The following DNAJC18 variants were observed in gnomAD, a reference collection of about 807,000 sequenced individuals.
DNAJC18 encodes DnaJ heat shock protein family (Hsp40) member C18.
Under a neutral mutation model 48.6 loss-of-function variants are expected in DNAJC18, and 40 were observed. The observed-to-expected ratio is 0.82, with a 90% confidence interval of 0.64 to 1.07. The LOEUF is 1.07. DNAJC18 is among the 50% of genes least tolerant of loss of function. The pLI, the probability that DNAJC18 is intolerant of heterozygous loss-of-function variation, is 0.00. For synonymous variants in DNAJC18, 135 were observed against 152.2 expected (o/e 0.89, Z 0.83); for missense variants, 340 against 427.7 (o/e 0.79, Z 1.81).
At position 139,439,115 on chromosome 5, in the gene DNAJC18, T is replaced by C. The variant is rs2152085912; in HGVS notation, c.40+291A>G. Among the ~76,000 whole-genome samples the C allele has an allele frequency of 6.8e-6, 1 of 148,054 alleles. No individual in the cohort carries two copies. ...AGAGACCGCAGCACCCCACGGGCCC[T>C]CCAGTCACCTTGGCATGGGCGGGGC... On this transcript the variant is annotated intron_variant, in intron 1 of 7. Coordinates refer to ENST00000302060, the MANE Select transcript of DNAJC18 (RefSeq NM_152686.4). This position sits in a 1 kb window ranked among gnomAD's most constrained non-coding sequence, Gnocchi z 4.1.
chr5:139,423,737 A>C (rs572106821), intron 5 of DNAJC18, among the ~76,000 whole-genome samples: 97 of 150,840 alleles, frequency 6.4e-4, no homozygotes, highest in African/African-American at 2.3e-3. Flanking sequence ...GTATAATGCA[A>C]ATTTCCAAAA....
intron 2 of DNAJC18, among the ~76,000 whole-genome samples, chr5:139,436,956 T>C (rs959363303): frequency 2.0e-5 from 3 of 152,220 alleles, no homozygotes; most frequent in Non-Finnish European, 4.4e-5. Flanking sequence ...CACATATTTG[T>C]GAATTTCTCA....
At chr5:139,426,396 T>A in intron 3 of DNAJC18, 39 bp from the exon 4 acceptor site, 1 of 1,606,256 alleles carries the variant, frequency 6.2e-7, no homozygotes, top group Non-Finnish European at 8.5e-7. Context: ...GACACAGTCT[T>A]TGCTATGGCT....
At chr5:139,419,538 G>A (rs1347271094) in intron 7 of DNAJC18, among the ~76,000 whole-genome samples, 1 of 152,226 alleles carries the variant, frequency 6.6e-6, no homozygotes, top group Non-Finnish European at 1.5e-5. Flanking sequence ...AGTTAGGCTG[G>A]CTCGATCAGA....
chr5:139,411,564 A>G lies in DNAJC18; in HGVS notation c.*2584T>C, dbSNP rs1758995625. 1 of 152,280 alleles carries G rather than the reference A, an allele frequency of 6.6e-6. No individual in the cohort carries two copies. Among genetic ancestry groups the G allele is most frequent in the Non-Finnish European group, 1.5e-5 (1 of 68,054 alleles). The allele number at this position is 152,280 out of a possible 1,614,324, so 9.4% of individuals were successfully genotyped here. ...TCTAAAATATAACCCAGGAAATTAT[A>G]GCTTCACAATATTCTGGATAGTATC... is the stretch of plus-strand genomic sequence containing the variant. On this transcript the variant is annotated 3_prime_UTR_variant, in exon 8 of 8. Coordinates refer to ENST00000302060, the MANE Select transcript of DNAJC18 (RefSeq NM_152686.4).
rs1759172259 is a variant in DNAJC18 at position 139,422,611 on chromosome 5, A to G, written c.779+97T>C. On this transcript the variant is annotated intron_variant, in intron 6 of 7. Coordinates refer to ENST00000302060, the MANE Select transcript of DNAJC18 (RefSeq NM_152686.4). ...ACATCAAATCGGTGTTTTCTACAGC[A>G]AAAGGTGAAATGAAATGTTAGTAAT... The G allele has an allele frequency of 3.1e-6, 3 of 970,160 alleles. No homozygotes were observed. The East Asian group carries it at 7.8e-5, about 25-fold the overall frequency. The allele number at this position is 970,160 out of a possible 1,614,324, so 60.1% of individuals were successfully genotyped here.
Position 139,412,561 on chromosome 5 carries a change from G to A in DNAJC18, c.*1587C>T, listed in dbSNP as rs954393507. The A allele has an allele frequency of 7.6e-6, 3 of 396,276 alleles. No individual in the cohort carries two copies. Among genetic ancestry groups the A allele is most frequent in the East Asian group, 3.6e-5 (1 of 28,006 alleles). The allele number at this position is 396,276 out of a possible 1,614,324, so 24.5% of individuals were successfully genotyped here. ...CAGGCTTGAGCCAGTGCACCCGGCC[G>A]ACTCTCTACCAGAAACTTTTCTTCC... is the stretch of plus-strand genomic sequence containing the variant. On this transcript the variant is annotated 3_prime_UTR_variant, in exon 8 of 8. Transcript: ENST00000302060.
intron 2 of DNAJC18, among the ~76,000 whole-genome samples, chr5:139,431,567 G>A (rs1197746329): frequency 6.6e-6 from 1 of 152,122 alleles, no homozygotes; most frequent in Admixed American, 6.5e-5. Context: ...GTATTTCATT[G>A]TATGGATATA....
At position 139,437,706 on chromosome 5, in the gene DNAJC18, C is replaced by G. The variant is rs906522611; in HGVS notation, c.41-148G>C. 6.5e-5 allele frequency: 54 copies of G among 831,368 alleles called. No individual in the cohort carries two copies. The African/African-American group carries it at 9.1e-4, about 14-fold the overall frequency. The allele number at this position is 831,368 out of a possible 1,614,324, so 51.5% of individuals were successfully genotyped here. A position where few individuals can be genotyped will look rare whatever the true frequency, so the allele number is the denominator to read the frequency against. On this transcript the variant is annotated intron_variant, in intron 1 of 7. Coordinates refer to ENST00000302060, the MANE Select transcript of DNAJC18 (RefSeq NM_152686.4). ...GAGGCGTCATGCTGACTTTTAAGCA[C>G]TCATACAAAGCTGAATAAACATGTT... is the stretch of plus-strand genomic sequence containing the variant.
At chr5:139,426,066 T>C in intron 4 of DNAJC18, 106 bp downstream of exon 4, 1 of 1,238,964 alleles carries the variant, frequency 8.1e-7, no homozygotes, top group Non-Finnish European at 1.1e-6. Context: ...AGATCCTTGC[T>C]GTTTCCATCA....
In DNAJC18 at chr5:139,410,317, C is replaced by T. The variant is rs1758976215; in HGVS notation, c.*3831G>A. 6.6e-6 allele frequency: 1 copy of T among 152,142 alleles called. No homozygotes were observed. The highest frequency in any genetic ancestry group is 1.5e-5 in the Non-Finnish European group (1 of 68,028). The allele number at this position is 152,142 out of a possible 1,614,324, so 9.4% of individuals were successfully genotyped here. On this transcript the variant is annotated 3_prime_UTR_variant, in exon 8 of 8. Coordinates refer to ENST00000302060, the MANE Select transcript of DNAJC18 (RefSeq NM_152686.4). ...ATTCTTAGTCCACCAGGAGCTGATTCCATTTGTGTCATCCCTACTCTGGTC... is the reference window on the plus strand; with the variant it reads ...ATTCTTAGTCCACCAGGAGCTGATTTCATTTGTGTCATCCCTACTCTGGTC...
rs182863017 is a variant in DNAJC18, at chr5:139,431,514, A to G, written c.228-2831T>C. Among the ~76,000 whole-genome samples, 299 of 152,324 alleles carry G rather than the reference A, an allele frequency of 2.0e-3. 2 individuals carry two copies. Among genetic ancestry groups the G allele is most frequent in the Non-Finnish European group, 2.0e-3 (134 of 68,030 alleles). Reference sequence around the variant, plus strand: ...ACTGTAATTTTTTCAAGGTTCATCCATGTTGTAGCATGAATCTGTTCATCC... The same window carrying G: ...ACTGTAATTTTTTCAAGGTTCATCCGTGTTGTAGCATGAATCTGTTCATCC... On this transcript the variant is annotated intron_variant, in intron 2 of 7. Transcript: ENST00000302060.
At chr5:139,428,750 C>T in intron 2 of DNAJC18, 67 bp from the exon 3 acceptor site, 1 of 1,519,232 alleles carries the variant, frequency 6.6e-7, no homozygotes, top group South Asian at 1.3e-5. Context: ...CAAGATAATA[C>T]ATCGATCCTA....
intron 1 of DNAJC18, among the ~76,000 whole-genome samples, chr5:139,438,095 T>A (rs982997488): frequency 7.2e-5 from 11 of 152,138 alleles, no homozygotes; most frequent in Admixed American, 6.5e-4. Context: ...GGCGGGCGGA[T>A]CACGAGGTCA....
chr5:139,414,302 C>T (rs1759039563), intron 7 of DNAJC18, 30 bp from the exon 8 acceptor site: 1 of 1,597,830 alleles, frequency 6.3e-7, no homozygotes, highest in South Asian at 1.1e-5. Context: ...ACCAATTCAT[C>T]AAGAGCTGAA....
At chr5:139,424,756 G>C (rs1193253081) in intron 5 of DNAJC18, among the ~76,000 whole-genome samples, 3 of 110,718 alleles carry the variant, frequency 2.7e-5, no homozygotes, top group African/African-American at 1.2e-4. Flanking sequence ...AAAAAGCCTT[G>C]ATGAAGTCAG....
chr5:139,430,793 A>G (rs1198017028), intron 2 of DNAJC18, among the ~76,000 whole-genome samples: 1 of 151,762 alleles, frequency 6.6e-6, no homozygotes, highest in Non-Finnish European at 1.5e-5. Flanking sequence ...CTGGTCTCGA[A>G]CTCTTGACCT....
rs532296311 is a variant in DNAJC18, at chr5:139,434,845, C to A, written c.227+2527G>T. 7.2e-4 allele frequency among the ~76,000 whole-genome samples: 109 copies of A among 151,924 alleles called. 1 individual carries two copies. The highest frequency in any genetic ancestry group is 2.5e-3 in the African/African-American group (103 of 41,404). On this transcript the variant is annotated intron_variant, in intron 2 of 7. Transcript: ENST00000302060. ...TTACTCTTCTTTCCAATTTGGATGG[C>A]TTTTATTTCTTTTTCTTGCTTAAAT...
At chr5:139,421,513 A>G (rs1008489170) in intron 6 of DNAJC18, among the ~76,000 whole-genome samples, 3 of 151,874 alleles carry the variant, frequency 2.0e-5, no homozygotes, top group African/African-American at 7.3e-5. Context: ...TCTCTGTAAA[A>G]GGAAAATACT....
Sources: gnomAD v4.1 joint callset for allele counts (sites outside exome capture counted in the v4.1 genomes callset) on GRCh38, gnomAD v4.1.1 for gene constraint, Gnocchi (gnomAD v3.1) non-coding constraint, MANE v1.5 for transcripts, NCBI Gene and HGNC (gene_info 2026-07-23, HGNC 2026-07-21) for gene names.